Variants in HPS5 observed in about 807,000 individuals in gnomAD.
HPS5 encodes the protein BLOC-2 complex member HPS5.
HPS5 carries 83 observed loss-of-function variants against 128.0 expected under a neutral mutation model. The ratio of observed to expected loss-of-function variants is 0.65; its 90% CI spans 0.54 to 0.78. The LOEUF (loss-of-function observed/expected upper bound fraction) is 0.78, where lower values mean the gene tolerates loss of function less well. HPS5 is among the 30% of genes least tolerant of loss of function. The probability of loss-of-function intolerance (pLI) is 0.00; values close to 1 mark genes in which losing one functional copy is unlikely to be tolerated. For missense variants in HPS5, 1,281 were observed against 1,326.2 expected (o/e 0.97, Z 0.53); for synonymous variants, 475 against 470.2 (o/e 1.01, Z -0.13).
At chr11:18,295,212 T>C (rs778908798) in intron 13 of HPS5, 43 bp from the exon 14 acceptor site, 2 of 1,582,832 alleles carry the variant, frequency 1.3e-6, no homozygotes, top group Admixed American at 3.5e-5. Flanking sequence ...TAAAAACTTA[T>C]TACTGAGAAA....
At chr11:18,292,270 C>T (rs1393678200) in intron 15 of HPS5, among the ~76,000 whole-genome samples, 2 of 148,504 alleles carry the variant, frequency 1.3e-5, no homozygotes, top group Non-Finnish European at 3.0e-5. Context: ...AGTGCAATGG[C>T]ACAAACATAG....
intron 9 of HPS5, 132 bp downstream of exon 9, chr11:18,300,696 C>CAAAAAAAAAAAAAAA (rs531315010): frequency 3.1e-6 from 1 of 326,356 alleles, no homozygotes; most frequent in African/African-American, 3.1e-5. Context: ...GACTTAGTCT[C>CAAAAAAAAAAAAAAA]AAAAAAAAAA....
rs777545925 is a variant in HPS5, at chr11:18,279,960, A to T, written c.3330-18T>A. ...TCAAGGCCCTGAAATCCCAAAGAAA[A>T]GAAACAAGCAAATTTAGTTGTCATT... On this transcript the variant is annotated intron_variant, in intron 22 of 22. Coordinates refer to ENST00000349215, the MANE Select transcript of HPS5 (RefSeq NM_181507.2). The T allele has an allele frequency of 1.4e-5, 22 of 1,612,834 alleles. No homozygotes were observed. Among genetic ancestry groups the T allele is most frequent in the Non-Finnish European group, 1.9e-5 (22 of 1,178,922 alleles).
Position 18,297,003 on chromosome 11 carries a change from CA to C in HPS5, c.1324-20del, listed in dbSNP as rs369116404. ...AACTTTCCTAAAAATTAAAAGAATT[CA>C]AAAAAAAAAAAAGGTAAAAATTTCC... On this transcript the variant is annotated intron_variant, in intron 11 of 22. Transcript: ENST00000349215. 147,010 of 954,670 alleles carry C rather than the reference CA, an allele frequency of 0.15. 356 individuals are homozygous for C. Among genetic ancestry groups the C allele is most frequent in the South Asian group, 0.17 (9,202 of 52,768 alleles). 59.1% of individuals were successfully genotyped at this position (954,670 alleles called of 1,614,324 possible).
At position 18,287,597 on chromosome 11, in the gene HPS5, A is replaced by G; in HGVS notation, c.2655T>C (p.His885=). Residue 885 remains histidine, a synonymous_variant, in exon 18 of 23, where the codon CAT becomes CAC. Coordinates refer to ENST00000349215, the MANE Select transcript of HPS5 (RefSeq NM_181507.2). Reference sequence around the variant, plus strand: ...AATAGGCCAAAAACTCAGCAGGATGATGATGACAAAGTTGTATGATATCCG... The same window carrying G: ...AATAGGCCAAAAACTCAGCAGGATGGTGATGACAAAGTTGTATGATATCCG... ...LPSDIIQLCH[H]HPAEFLAYLD... 6.2e-7 allele frequency: 1 copy of G among 1,614,224 alleles called. No homozygotes were observed. The highest frequency in any genetic ancestry group is 8.5e-7 in the Non-Finnish European group (1 of 1,180,026).
intron 14 of HPS5, 91 bp downstream of exon 14, chr11:18,294,929 G>T: frequency 1.4e-6 from 2 of 1,390,758 alleles, no homozygotes; most frequent in Non-Finnish European, 2.0e-6. Context: ...AGGCCCACGG[G>T]CCACAGGCTG....
At chr11:18,284,146 A>T (rs1198103315) in intron 20 of HPS5, among the ~76,000 whole-genome samples, 1 of 151,912 alleles carries the variant, frequency 6.6e-6, no homozygotes, top group Non-Finnish European at 1.5e-5. Context: ...AGAAAGTTCT[A>T]TTAGATGACC....
rs752603589 is a variant in HPS5, at chr11:18,306,199, C to T, written c.760G>A (p.Val254Ile). ...TTCTTGAACTGATGTGTACTTATAA[C>T]TTCTCCATCAAAGTTCACTTCCCAC... Reference protein sequence around the residue: ...RMWEVNFDGEVISTHQFKKLL... With the variant: ...RMWEVNFDGEIISTHQFKKLL... Residue 254 changes from valine (V) to isoleucine (I), a missense_variant, in exon 7 of 23, where the codon GTT becomes ATT. By Grantham distance (29) the Val-to-Ile change is conservative. Transcript: ENST00000349215. 9.3e-6 allele frequency: 15 copies of T among 1,613,958 alleles called. No individual in the cohort carries two copies. The highest frequency in any genetic ancestry group is 5.3e-5 in the African/African-American group (4 of 74,898).
Position 18,279,728 on chromosome 11 carries a change from T to C in HPS5, c.*154A>G. 2.8e-6 allele frequency: 2 copies of C among 711,784 alleles called. No homozygotes were observed. The highest frequency in any genetic ancestry group is 2.3e-5 in the Admixed American group (1 of 44,222). 44.1% of individuals were successfully genotyped at this position (711,784 alleles called of 1,614,324 possible). ...ATGGATAAAGAGTCACAGATGCCGA[T>C]GCCAAGGGTACAGACACTGACAAAA... On this transcript the variant is annotated 3_prime_UTR_variant, in exon 23 of 23. Coordinates refer to ENST00000349215, the MANE Select transcript of HPS5 (RefSeq NM_181507.2).
chr11:18,311,916 T>C lies in HPS5; in HGVS notation c.217A>G (p.Arg73Gly), dbSNP rs554752125. ...GACAGAGCTGCCCTTAATCTTACCC[T>C]GTGTGAAAGAAAAAGCCTGTGCTTC... ...GWKHRLFLSH[R>G]EGAISQVACC... The change falls in exon 3 of 23, where the codon AGG (arginine) becomes GGG (glycine). Residue 73 changes from arginine to glycine, a missense_variant and splice_region_variant. Transcript: ENST00000349215. The C allele has an allele frequency of 1.3e-6, 2 of 1,599,966 alleles. No homozygotes were observed. The highest frequency in any genetic ancestry group is 8.6e-7 in the Non-Finnish European group (1 of 1,167,218).
chr11:18,280,609 C>T (rs2134192604), intron 22 of HPS5: 1 of 696,420 alleles, frequency 1.4e-6, no homozygotes, highest in East Asian at 2.7e-5. Flanking sequence ...CAGCGTTATT[C>T]ACAATAGCCA....
chr11:18,304,469 G>A (rs1862117420), intron 8 of HPS5, among the ~76,000 whole-genome samples: 2 of 152,080 alleles, frequency 1.3e-5, no homozygotes, highest in Non-Finnish European at 2.9e-5. Flanking sequence ...GTCCGCCTCG[G>A]TCTCCCAAAT....
intron 14 of HPS5, among the ~76,000 whole-genome samples, chr11:18,293,577 T>C (rs1412957898): frequency 6.6e-6 from 1 of 152,166 alleles, no homozygotes; most frequent in Admixed American, 6.5e-5. Flanking sequence ...CAGTAAGCTC[T>C]CATTAGAAAG....
Position 18,317,817 on chromosome 11 carries a change from A to T in HPS5, c.42T>A (p.Val14=). Residue 14 remains valine (V), a synonymous_variant, in exon 2 of 23, where the codon GTT becomes GTA. Transcript: ENST00000349215. ...VPVIPESYSH[V]LAEFESLDPL... Reference sequence around the variant, plus strand: ...GATCCAGAGATTCAAACTCTGCAAGAACATGGCTGTAGGACTCTGGTATCA... The same window carrying T: ...GATCCAGAGATTCAAACTCTGCAAGTACATGGCTGTAGGACTCTGGTATCA... 1 of 1,613,884 alleles carries T rather than the reference A, an allele frequency of 6.2e-7. No homozygotes were observed.
At chr11:18,285,247 C>A in intron 20 of HPS5, 99 bp downstream of exon 20, 3 of 666,752 alleles carry the variant, frequency 4.5e-6, no homozygotes, top group South Asian at 1.9e-5. Flanking sequence ...AAAGAGAATC[C>A]CCAAATATTA....
intron 6 of HPS5, among the ~76,000 whole-genome samples, chr11:18,306,569 A>G (rs889475425): frequency 6.6e-6 from 1 of 152,220 alleles, no homozygotes; most frequent in Non-Finnish European, 1.5e-5. Flanking sequence ...ATCATTTCAT[A>G]TTAGTACTCA....
chr11:18,311,508 A>ATTTTTTTTTTTTTTT (rs778669578), intron 3 of HPS5, 57 bp from the exon 4 acceptor site: 5 of 780,148 alleles, frequency 6.4e-6, no homozygotes, highest in Admixed American at 7.7e-5. Context: ...TATTATTATT[A>ATTTTTTTTTTTTTTT]TTATTTTTTT....
At position 18,306,302 on chromosome 11, in the gene HPS5, A is replaced by G; in HGVS notation, c.657T>C (p.Tyr219=). Residue 219 remains tyrosine, a synonymous_variant, in exon 7 of 23, where the codon TAT becomes TAC. Transcript: ENST00000349215. ...KIGNKERDGE[Y]GACFFPGRCS... Reference sequence around the variant, plus strand: ...ATCTTCCAGGAAAGAAACAAGCTCCATATTCTCCATCTCTTTCCTTGTTTC... The same window carrying G: ...ATCTTCCAGGAAAGAAACAAGCTCCGTATTCTCCATCTCTTTCCTTGTTTC... 1 of 1,614,152 alleles carries G rather than the reference A, an allele frequency of 6.2e-7. No individual in the cohort carries two copies. Among genetic ancestry groups the G allele is most frequent in the Non-Finnish European group, 8.5e-7 (1 of 1,179,990 alleles).
chr11:18,313,127 C>A (rs1863195492), intron 2 of HPS5, among the ~76,000 whole-genome samples: 1 of 152,026 alleles, frequency 6.6e-6, no homozygotes, highest in African/African-American at 2.4e-5. Flanking sequence ...TTTTTTACCA[C>A]ATCATTCCTG....
Sources: allele counts gnomAD v4.1 joint callset (sites outside exome capture counted in the v4.1 genomes callset), GRCh38; gene constraint gnomAD v4.1.1; transcripts MANE v1.5; gene names NCBI Gene and HGNC (gene_info 2026-07-23, HGNC 2026-07-21).